The following ARHGAP28 variants were observed in gnomAD, a reference collection of about 807,000 sequenced individuals.
ARHGAP28 encodes the protein Rho GTPase activating protein 28.
In ARHGAP28, 56 loss-of-function variants were observed where a neutral mutation model predicts 90.7. That is an observed-to-expected ratio of 0.62 (90% CI 0.50 to 0.77). The LOEUF (loss-of-function observed/expected upper bound fraction) is 0.77. Ranked by LOEUF, ARHGAP28 falls within the 30% of genes least tolerant of loss-of-function variation. The pLI, the probability that ARHGAP28 is intolerant of heterozygous loss-of-function variation, is 0.00. For missense variants in ARHGAP28, 869 were observed against 900.9 expected (o/e 0.96, Z 0.45); for synonymous variants, 308 against 323.3 (o/e 0.95, Z 0.51).
intron 1 of ARHGAP28, among the ~76,000 whole-genome samples, chr18:6,765,211 G>A (rs2056190833): frequency 1.3e-5 from 2 of 152,140 alleles, no homozygotes; most frequent in Admixed American, 6.5e-5. Flanking sequence ...CCTCTTTTCT[G>A]TGCAAGTTTG....
In ARHGAP28 at chr18:6,812,074, C is replaced by G. The variant is rs75414930; in HGVS notation, c.123-12688C>G. Among the ~76,000 whole-genome samples the G allele has an allele frequency of 3.9e-5, 6 of 152,258 alleles. No individual in the cohort carries two copies. In the East Asian group the frequency reaches 1.2e-3, roughly 29 times the overall value. On this transcript the variant is annotated intron_variant, in intron 1 of 17. Coordinates refer to ENST00000383472, the MANE Select transcript of ARHGAP28 (RefSeq NM_001366230.1). ...TGCAGCCTTGCTCCAATAGCCAAAC[C>G]ATATTTTCCCACAGAGGCTAGTCTT...
At chr18:6,773,711 C>CT (rs1306266885) in intron 1 of ARHGAP28, among the ~76,000 whole-genome samples, 8 of 152,162 alleles carry the variant, frequency 5.3e-5, no homozygotes, top group Non-Finnish European at 4.4e-5. Flanking sequence ...TTAAAAAAAT[C>CT]TTTCGGGAAT....
chr18:6,860,703 A>T (rs2056991808), intron 5 of ARHGAP28, among the ~76,000 whole-genome samples: 1 of 152,218 alleles, frequency 6.6e-6, no homozygotes, highest in South Asian at 2.1e-4. Context: ...ACACATTCCT[A>T]GGAAATCCCT....
intron 1 of ARHGAP28, among the ~76,000 whole-genome samples, chr18:6,735,754 C>T (rs1216395585): frequency 6.6e-6 from 1 of 151,982 alleles, no homozygotes; most frequent in East Asian, 1.9e-4. Context: ...GGAGTTTTGC[C>T]GTGTTGCCCA....
chr18:6,742,163 CTTTTTCTTTTTTT>C (rs1366765540), intron 1 of ARHGAP28, among the ~76,000 whole-genome samples: 1 of 135,836 alleles, frequency 7.4e-6, no homozygotes, highest in Non-Finnish European at 1.7e-5. Flanking sequence ...TTTCTTTTTT[CTTTTTCTTTTTTT>C]TTTTTTTGAC....
intron 5 of ARHGAP28, among the ~76,000 whole-genome samples, chr18:6,861,990 A>G (rs535149016): frequency 2.0e-5 from 3 of 152,166 alleles, no homozygotes; most frequent in Non-Finnish European, 2.9e-5. Context: ...GAATGCCAGT[A>G]ATGACATAAA....
intron 5 of ARHGAP28, among the ~76,000 whole-genome samples, chr18:6,860,958 C>T (rs2056993555): frequency 6.6e-6 from 1 of 152,224 alleles, no homozygotes; most frequent in Non-Finnish European, 1.5e-5. Flanking sequence ...CCATTCAAGA[C>T]CAGGCATTGG....
At chr18:6,871,388 A>T (rs1242077019) in intron 7 of ARHGAP28, among the ~76,000 whole-genome samples, 1 of 152,236 alleles carries the variant, frequency 6.6e-6, no homozygotes, top group Non-Finnish European at 1.5e-5. Context: ...TTGTGCCTCT[A>T]TAAGCCACAT....
Position 6,873,263 on chromosome 18 carries a change from T to C in ARHGAP28, c.955-146T>C, listed in dbSNP as rs938242748. On this transcript the variant is annotated intron_variant, in intron 7 of 17. Coordinates refer to ENST00000383472, the MANE Select transcript of ARHGAP28 (RefSeq NM_001366230.1). Reference sequence around the variant, plus strand: ...CATTGTTCTAAACCACATATTCATATTTCTAGGATGCAGCATGCTCCTTAG... The same window carrying C: ...CATTGTTCTAAACCACATATTCATACTTCTAGGATGCAGCATGCTCCTTAG... The C allele has an allele frequency of 5.9e-6, 4 of 673,384 alleles. No individual in the cohort carries two copies. In the Admixed American group the frequency reaches 9.2e-5, roughly 15 times the overall value. The allele number at this position is 673,384 out of a possible 1,614,324, so 41.7% of individuals were successfully genotyped here.
chr18:6,750,964 G>A (rs1372158493), intron 1 of ARHGAP28, among the ~76,000 whole-genome samples: 1 of 152,072 alleles, frequency 6.6e-6, no homozygotes, highest in African/African-American at 2.4e-5. Flanking sequence ...GCCAGTTAGA[G>A]CCATAAATTT....
chr18:6,853,279 G>T (rs185522781), intron 4 of ARHGAP28, among the ~76,000 whole-genome samples: 1 of 152,230 alleles, frequency 6.6e-6, no homozygotes, highest in East Asian at 1.9e-4. Context: ...GGAAGAGGGG[G>T]TTGGACATGC....
intron 2 of ARHGAP28, among the ~76,000 whole-genome samples, chr18:6,827,369 A>AC (rs1219685180): frequency 8.0e-5 from 10 of 124,838 alleles, no homozygotes; most frequent in South Asian, 2.7e-4. Context: ...CGGAGGGTTG[A>AC]CCCCCCCACC....
At chr18:6,800,118 TCAC>T (rs2056471105) in intron 1 of ARHGAP28, among the ~76,000 whole-genome samples, 1 of 152,314 alleles carries the variant, frequency 6.6e-6, no homozygotes, top group African/African-American at 2.4e-5. Flanking sequence ...AAGCTCATCA[TCAC>T]TGGTCATTAG....
chr18:6,812,566 A>C (rs2056564387), intron 1 of ARHGAP28, among the ~76,000 whole-genome samples: 1 of 152,308 alleles, frequency 6.6e-6, no homozygotes, highest in South Asian at 2.1e-4. Context: ...CACCTGACTA[A>C]GATGACAGAA....
intron 17 of ARHGAP28, 96 bp from the exon 18 acceptor site, chr18:6,911,964 T>G (rs2057401719): frequency 2.9e-6 from 2 of 687,760 alleles, no homozygotes; most frequent in Admixed American, 6.7e-5. Context: ...TATATTAACC[T>G]TATTTGAACC....
intron 1 of ARHGAP28, among the ~76,000 whole-genome samples, chr18:6,753,166 G>C (rs117227669): frequency 7.9e-5 from 12 of 152,152 alleles, no homozygotes; most frequent in South Asian, 6.2e-4. Flanking sequence ...TGGTACCAAT[G>C]GATTTATTTT....
intron 16 of ARHGAP28, among the ~76,000 whole-genome samples, chr18:6,901,241 C>T (rs1364182656): frequency 6.6e-6 from 1 of 152,194 alleles, no homozygotes; most frequent in African/African-American, 2.4e-5. Flanking sequence ...AACTATCCTA[C>T]TTCTCATGCA....
intron 1 of ARHGAP28, among the ~76,000 whole-genome samples, chr18:6,781,812 C>T (rs2056326749): frequency 6.6e-6 from 1 of 152,180 alleles, no homozygotes; most frequent in Admixed American, 6.5e-5. Flanking sequence ...GTAAAAAAAA[C>T]TTGTTTTGCC....
intron 1 of ARHGAP28, among the ~76,000 whole-genome samples, chr18:6,758,295 T>C (rs1360241888): frequency 6.6e-6 from 1 of 151,358 alleles, no homozygotes; most frequent in African/African-American, 2.4e-5. Context: ...CTTTTTTGCT[T>C]CGGTTTAGGG....
Sources: allele counts gnomAD v4.1 joint callset (sites outside exome capture counted in the v4.1 genomes callset), GRCh38; gene constraint gnomAD v4.1.1; transcripts MANE v1.5; gene names NCBI Gene and HGNC (gene_info 2026-07-23, HGNC 2026-07-21).